PFKFB2: variants seen among roughly 807,000 people sequenced by gnomAD.
The protein encoded by PFKFB2 is 6-phosphofructo-2-kinase/fructose-2,6-biphosphatase 2, also known as 6-phosphofructo-2-kinase/fructose-2,6-bisphosphatase 2.
Under a neutral mutation model 68.0 loss-of-function variants are expected in PFKFB2, and 53 were observed. The observed-to-expected ratio is 0.78, with a 90% CI of 0.63 to 0.98. PFKFB2 has a LOEUF of 0.98. PFKFB2 is among the 50% of genes least tolerant of loss of function. PFKFB2 has a pLI of 0.00. For missense variants in PFKFB2, 451 were observed against 642.0 expected (o/e 0.70, Z 3.22); for synonymous variants, 222 against 227.6 (o/e 0.98, Z 0.22).
At chr1:207,077,818 T>C, downstream of PFKFB2, 2 of 985,402 alleles carry the variant, frequency 2.0e-6, no homozygotes, top group African/African-American at 1.7e-5. Flanking sequence ...CTTGAACCTA[T>C]CAGAAGGCTT....
chr1:207,048,004 A>C (rs1002845517), intron 2 of PFKFB2: 1 of 152,338 alleles, frequency 6.6e-6, no homozygotes, highest in African/African-American at 2.4e-5. Context: ...GCAGAGCATT[A>C]TTACTTGAAA....
chr1:207,079,156 A>T, downstream of PFKFB2: 1 of 731,228 alleles, frequency 1.4e-6, no homozygotes, highest in Non-Finnish European at 2.4e-6. Flanking sequence ...AGGCCTGGAG[A>T]AACGTCACCA....
intron 2 of PFKFB2, chr1:207,046,416 A>C (rs1282792097): frequency 6.6e-6 from 1 of 152,124 alleles, no homozygotes; most frequent in Non-Finnish European, 1.5e-5. Flanking sequence ...AACCCCTGTA[A>C]ATTCTGTGAG....
intron 2 of PFKFB2, among the ~76,000 whole-genome samples, chr1:207,055,407 A>G (rs529362860): frequency 1.3e-5 from 2 of 152,116 alleles, no homozygotes; most frequent in Admixed American, 6.5e-5. Flanking sequence ...TTTCATTTCT[A>G]TGCCTGTCTT....
intron 2 of PFKFB2, chr1:207,046,331 T>C (rs1012918235): frequency 1.3e-5 from 2 of 152,044 alleles, no homozygotes; most frequent in Admixed American, 6.5e-5. Context: ...AGATGAGAAT[T>C]TACTCCCTTT....
chr1:207,049,426 T>C (rs1302914945), upstream of PFKFB2: 1 of 1,614,228 alleles, frequency 6.2e-7, no homozygotes, highest in Non-Finnish European at 8.5e-7. Context: ...GTCATCCCTT[T>C]TGATCCAGTC....
chr1:207,066,183 A>G (rs1683283962), intron 8 of PFKFB2, among the ~76,000 whole-genome samples: 1 of 152,206 alleles, frequency 6.6e-6, no homozygotes, highest in Non-Finnish European at 1.5e-5. Flanking sequence ...AGTATGGTGT[A>G]GACTATAGAT....
Position 207,072,735 on chromosome 1 carries a change from G to A in PFKFB2, c.*364G>A. The stretch of plus-strand genomic sequence containing the variant: ...CTGGTGTCTTCACTAATGTCCTCAT[G>A]TTGGTGAAGTGTTGGGGGATGGAGG... On this transcript the variant is annotated 3_prime_UTR_variant, in exon 15 of 15. Coordinates refer to ENST00000367080, the MANE Select transcript of PFKFB2 (RefSeq NM_006212.2). 1 of 1,022,990 alleles carries A rather than the reference G, an allele frequency of 9.8e-7. No individual in the cohort carries two copies. Among genetic ancestry groups the A allele is most frequent in the Non-Finnish European group, 1.2e-6 (1 of 855,026 alleles). 63.4% of individuals were successfully genotyped at this position (1,022,990 alleles called of 1,614,324 possible).
At position 207,053,597 on chromosome 1, in the gene PFKFB2, C is replaced by G. The variant is rs75270349; in HGVS notation, c.-18+231C>G. ...AGGATCTTCCGTCCTCACCAGCCCC[C>G]TGTTGTCTGAATTGGGGGCATGAGC... On this transcript the variant is annotated intron_variant, in intron 1 of 14. Coordinates refer to ENST00000367080, the MANE Select transcript of PFKFB2 (RefSeq NM_006212.2). Among the ~76,000 whole-genome samples the G allele has an allele frequency of 2.0e-5, 3 of 152,280 alleles. No homozygotes were observed. In the East Asian group the frequency reaches 5.8e-4, roughly 29 times the overall value.
intron 2 of PFKFB2, chr1:207,044,989 C>T (rs2102320689): frequency 6.6e-6 from 1 of 152,436 alleles, no homozygotes; most frequent in East Asian, 1.9e-4. Flanking sequence ...TCTCCCACAA[C>T]CAGGGACACT....
intron 8 of PFKFB2, among the ~76,000 whole-genome samples, chr1:207,065,784 G>T (rs1348291770): frequency 6.6e-6 from 1 of 152,150 alleles, no homozygotes; most frequent in Non-Finnish European, 1.5e-5. Flanking sequence ...AGGATGTTCA[G>T]CAGCTTCCCT....
At chr1:207,046,302 T>C (rs148747964) in intron 2 of PFKFB2, 31 of 152,202 alleles carry the variant, frequency 2.0e-4, no homozygotes, top group African/African-American at 4.1e-4. Flanking sequence ...TGTAAGTCCA[T>C]AGATTTTCAA....
At chr1:207,077,839 T>G (rs1683672021), downstream of PFKFB2, 7 of 982,336 alleles carry the variant, frequency 7.1e-6, no homozygotes, top group South Asian at 3.3e-4. Context: ...CTGGGTTTTT[T>G]GTTTAGTATT....
intron 12 of PFKFB2, 23 bp from the exon 13 acceptor site, chr1:207,071,165 T>A: frequency 6.2e-7 from 1 of 1,603,418 alleles, no homozygotes; most frequent in African/African-American, 1.3e-5. Context: ...GAGACTTCCC[T>A]CGCCTGGTCT....
rs1263642676 is a variant in PFKFB2 at position 207,075,526 on chromosome 1, G to A, written c.*3155G>A. The A allele has an allele frequency of 1.0e-6, 1 of 984,800 alleles. No individual in the cohort carries two copies. Among genetic ancestry groups the A allele is most frequent in the East Asian group, 1.1e-4 (1 of 8,826 alleles). The allele number at this position is 984,800 out of a possible 1,614,324, so 61.0% of individuals were successfully genotyped here. On this transcript the variant is annotated 3_prime_UTR_variant, in exon 15 of 15. Coordinates refer to ENST00000367080, the MANE Select transcript of PFKFB2 (RefSeq NM_006212.2). ...GTAATCTGTATACATTACTATGACTGTGTCTATCACAAGTCCTACAAAATA... is the reference window on the plus strand; with the variant it reads ...GTAATCTGTATACATTACTATGACTATGTCTATCACAAGTCCTACAAAATA...
intron 2 of PFKFB2, chr1:207,044,340 T>C (rs1572707180): frequency 6.5e-6 from 1 of 152,712 alleles, no homozygotes; most frequent in East Asian, 1.9e-4. Context: ...ACATATTTCC[T>C]GTAAACAGCT....
At chr1:207,052,661 AAAACC>A (rs758719400), upstream of PFKFB2, among the ~76,000 whole-genome samples, 33 of 152,310 alleles carry the variant, frequency 2.2e-4, no homozygotes, top group African/African-American at 6.3e-4. Context: ...TCAAAAAACA[AAAACC>A]AAACCAAACC....
chr1:207,050,567 C>G, upstream of PFKFB2: 1 of 1,323,244 alleles, frequency 7.6e-7, no homozygotes, highest in Non-Finnish European at 1.0e-6. Flanking sequence ...CTATCCTCGC[C>G]CCTGGCCTCA....
upstream of PFKFB2, chr1:207,051,075 C>A (rs34083885): frequency 6.8e-6 from 10 of 1,461,240 alleles, no homozygotes; most frequent in Non-Finnish European, 6.3e-6. Context: ...CGCTTCGGTG[C>A]GGCTTCTGCC....
Sources: gnomAD v4.1 joint callset for allele counts (sites outside exome capture counted in the v4.1 genomes callset) on GRCh38, gnomAD v4.1.1 for gene constraint, MANE v1.5 for transcripts, NCBI Gene and HGNC (gene_info 2026-07-23, HGNC 2026-07-21) for gene names.